Variants in UTRN observed in about 807,000 individuals in gnomAD.
UTRN encodes the protein dystrophin-related protein 1.
UTRN carries 283 observed loss-of-function variants against 463.9 expected under a neutral mutation model. The observed-to-expected ratio is 0.61, with a 90% CI of 0.55 to 0.67. The LOEUF is 0.67. UTRN is among the 30% of genes least tolerant of loss of function. The pLI is 0.00. For missense variants in UTRN, 3,922 were observed against 4,084.3 expected (o/e 0.96, Z 1.08); for synonymous variants, 1,442 against 1,431.5 (o/e 1.01, Z -0.17).
chr6:144,818,251 C>T (rs1373981433), intron 65 of UTRN, among the ~76,000 whole-genome samples: 1 of 152,148 alleles, frequency 6.6e-6, no homozygotes, highest in African/African-American at 2.4e-5. Context: ...TAGATTAATG[C>T]TTGCCATGGG....
intron 52 of UTRN, among the ~76,000 whole-genome samples, chr6:144,689,679 C>T (rs1002802664): frequency 6.6e-5 from 10 of 152,078 alleles, no homozygotes; most frequent in Non-Finnish European, 1.3e-4. Context: ...TGGGTGCCAG[C>T]ACCAGCTCTG....
rs1038614251 is a variant in UTRN, at chr6:144,393,346, A to G, written c.80-9777A>G. 2.6e-5 allele frequency among the ~76,000 whole-genome samples: 4 copies of G among 152,366 alleles called. 1 individual carries two copies. In the South Asian group the frequency reaches 8.3e-4, roughly 32 times the overall value. ...ATAAATATCAGTTCTCAACTTTAAA[A>G]TGTGCATGGAAATTCTTTTGGAAGT... On this transcript the variant is annotated intron_variant, in intron 2 of 74. Coordinates refer to ENST00000367545, the MANE Select transcript of UTRN (RefSeq NM_007124.3).
chr6:144,327,830 G>A (rs1320672845), intron 2 of UTRN, among the ~76,000 whole-genome samples: 2 of 152,074 alleles, frequency 1.3e-5, no homozygotes, highest in African/African-American at 4.8e-5. Flanking sequence ...TGGAATCCTA[G>A]CAACTCGTGA....
intron 2 of UTRN, among the ~76,000 whole-genome samples, chr6:144,386,005 G>C (rs578060446): frequency 7.9e-4 from 120 of 152,062 alleles, no homozygotes; most frequent in Non-Finnish European, 1.5e-3. Context: ...CACTGTCCCC[G>C]GCCCAGAACC....
intron 51 of UTRN, among the ~76,000 whole-genome samples, chr6:144,640,084 G>GAGAA (rs1777620033): frequency 2.0e-5 from 3 of 152,040 alleles, no homozygotes; most frequent in African/African-American, 7.2e-5. Context: ...GAGAGAGAGA[G>GAGAA]AAACCAAGGG....
intron 53 of UTRN, among the ~76,000 whole-genome samples, chr6:144,701,850 T>C (rs761295948): frequency 5.9e-5 from 9 of 152,160 alleles, no homozygotes; most frequent in Non-Finnish European, 7.4e-5. Flanking sequence ...ACCATTTGGG[T>C]GTATTTTTTT....
chr6:144,603,999 C>T (rs955792071), intron 51 of UTRN, among the ~76,000 whole-genome samples: 1 of 152,122 alleles, frequency 6.6e-6, no homozygotes, highest in Non-Finnish European at 1.5e-5. Context: ...AATATGAATT[C>T]TACCTCTGCA....
intron 66 of UTRN, among the ~76,000 whole-genome samples, chr6:144,825,496 A>T (rs1017774839): frequency 2.6e-5 from 4 of 152,016 alleles, no homozygotes; most frequent in Non-Finnish European, 4.4e-5. Context: ...TTTTTTAGAA[A>T]TTTTTCAAAT....
At chr6:144,432,173 C>T (rs1785916707) in intron 9 of UTRN, among the ~76,000 whole-genome samples, 1 of 152,192 alleles carries the variant, frequency 6.6e-6, no homozygotes, top group African/African-American at 2.4e-5. Context: ...TGGCCTACCT[C>T]TGCTACTCTG....
intron 65 of UTRN, among the ~76,000 whole-genome samples, chr6:144,815,452 A>T (rs1324958065): frequency 6.6e-6 from 1 of 151,938 alleles, no homozygotes; most frequent in Non-Finnish European, 1.5e-5. Context: ...GCTGTCTGCA[A>T]GCTGAAGAGC....
At chr6:144,385,706 A>ATT (rs60221098) in intron 2 of UTRN, among the ~76,000 whole-genome samples, 29 of 142,568 alleles carry the variant, frequency 2.0e-4, no homozygotes, top group Middle Eastern at 3.5e-3. Flanking sequence ...CCAGAACTCT[A>ATT]TTTTTTTTTT....
At chr6:144,571,231 T>G (rs1308359224) in intron 50 of UTRN, among the ~76,000 whole-genome samples, 2 of 152,160 alleles carry the variant, frequency 1.3e-5, no homozygotes, top group Non-Finnish European at 2.9e-5. Context: ...TTTTTTCTGT[T>G]GATGTTTTAA....
At chr6:144,799,513 G>T (rs1247902641) in intron 64 of UTRN, 1 of 471,596 alleles carries the variant, frequency 2.1e-6, no homozygotes, top group South Asian at 1.5e-5. Context: ...TCTTGGAATG[G>T]CTACATTTGG....
chr6:144,458,776 T>C lies in UTRN; in HGVS notation c.2291T>C (p.Leu764Pro). 1 of 1,593,502 alleles carries C rather than the reference T, an allele frequency of 6.3e-7. No homozygotes were observed. Among genetic ancestry groups the C allele is most frequent in the Non-Finnish European group, 8.5e-7 (1 of 1,173,334 alleles). Residue 764 changes from leucine to proline, a missense_variant, in exon 20 of 75, where the codon CTT (leucine) becomes CCT (proline). Physicochemically the swap from Leu to Pro is moderately conservative, Grantham distance 98. Transcript: ENST00000367545. ...GTTTTTCATGTCTGCATAGAAGGCCTTCCTACTGAAGAAATAAAAAATGTT... is the reference window on the plus strand; with the variant it reads ...GTTTTTCATGTCTGCATAGAAGGCCCTCCTACTGAAGAAATAAAAAATGTT... Reference protein sequence around the residue: ...ILVEQMGKEGLPTEEIKNVLE... With the variant: ...ILVEQMGKEGPPTEEIKNVLE...
chr6:144,717,518 A>G (rs1786599702), intron 53 of UTRN, among the ~76,000 whole-genome samples: 1 of 152,176 alleles, frequency 6.6e-6, no homozygotes, highest in South Asian at 2.1e-4. Context: ...TTGCTTTCTA[A>G]GAATCTAAAC....
At chr6:144,542,940 A>T (rs1168951772) in intron 46 of UTRN, 70 bp downstream of exon 46, 2 of 1,302,430 alleles carry the variant, frequency 1.5e-6, no homozygotes, top group Non-Finnish European at 2.1e-6. Context: ...TATGAGCCTC[A>T]TACATGAATT....
chr6:144,502,818 T>C (rs1252430390), intron 34 of UTRN, among the ~76,000 whole-genome samples: 1 of 152,130 alleles, frequency 6.6e-6, no homozygotes, highest in African/African-American at 2.4e-5. Flanking sequence ...TCTAGATCCT[T>C]GAGGAATCAC....
At chr6:144,601,320 G>T (rs568282793) in intron 51 of UTRN, among the ~76,000 whole-genome samples, 1 of 152,324 alleles carries the variant, frequency 6.6e-6, no homozygotes, top group East Asian at 1.9e-4. Context: ...TTCTGGAAAT[G>T]ATTCACTGCT....
At chr6:144,653,223 C>T (rs768244454) in intron 51 of UTRN, among the ~76,000 whole-genome samples, 1 of 152,154 alleles carries the variant, frequency 6.6e-6, no homozygotes, top group Non-Finnish European at 1.5e-5. Context: ...TCACTCCCCC[C>T]CTTTTTGGCG....
Sources: allele counts gnomAD v4.1 joint callset (sites outside exome capture counted in the v4.1 genomes callset), GRCh38; gene constraint gnomAD v4.1.1; transcripts MANE v1.5; gene names NCBI Gene and HGNC (gene_info 2026-07-23, HGNC 2026-07-21).